The following DAB1 variants were observed in gnomAD, a reference collection of about 807,000 sequenced individuals.
The protein encoded by DAB1 is DAB adaptor protein 1.
DAB1 carries 15 observed loss-of-function variants against 64.6 expected under a neutral mutation model. That is an observed-to-expected ratio of 0.23 (90% CI 0.16 to 0.36). The LOEUF is 0.36. Among genes scored for constraint, DAB1 ranks in the 10% least tolerant of loss-of-function variants. The probability of loss-of-function intolerance (pLI) is 1.00; values close to 1 mark genes in which losing one functional copy is unlikely to be tolerated. For synonymous variants in DAB1, 235 were observed against 251.9 expected (o/e 0.93, Z 0.64); for missense variants, 596 against 706.7 (o/e 0.84, Z 1.78).
chr1:57,211,834 A>G (rs1666031811), intron 2 of DAB1, among the ~76,000 whole-genome samples: 1 of 152,230 alleles, frequency 6.6e-6, no homozygotes, highest in South Asian at 2.1e-4. Flanking sequence ...TGTACTAGGT[A>G]TTACAGGTAG....
chr1:58,248,685 G>A (rs1046519324), intron 4 of DAB1, among the ~76,000 whole-genome samples: 3 of 152,174 alleles, frequency 2.0e-5, no homozygotes, highest in Non-Finnish European at 4.4e-5. Context: ...TTTGGGCAGG[G>A]AAGTGTGTGG....
intron 2 of DAB1, among the ~76,000 whole-genome samples, chr1:57,150,033 A>G (rs1292033423): frequency 6.6e-6 from 1 of 152,176 alleles, no homozygotes. Context: ...ACTGAGAGAC[A>G]ATAGGCCTTG....
chr1:58,108,504 C>A (rs2100646878), intron 5 of DAB1, among the ~76,000 whole-genome samples: 1 of 152,220 alleles, frequency 6.6e-6, no homozygotes, highest in African/African-American at 2.4e-5. Context: ...GAAATGAAAA[C>A]AACTTGATGA....
At chr1:57,829,117 A>G (rs1203791489) in intron 1 of DAB1, among the ~76,000 whole-genome samples, 2 of 152,180 alleles carry the variant, frequency 1.3e-5, no homozygotes, top group African/African-American at 4.8e-5. Flanking sequence ...TTTGGATTAT[A>G]GCCTTAACTG....
intron 3 of DAB1, among the ~76,000 whole-genome samples, chr1:57,142,041 A>G (rs1481147951): frequency 6.6e-6 from 1 of 152,160 alleles, no homozygotes; most frequent in Non-Finnish European, 1.5e-5. Context: ...ATCTCATATG[A>G]TCAAAAGATA....
intron 5 of DAB1, among the ~76,000 whole-genome samples, chr1:58,109,252 T>C (rs1651838001): frequency 6.6e-6 from 1 of 152,194 alleles, no homozygotes; most frequent in Non-Finnish European, 1.5e-5. Flanking sequence ...ACACATGTTT[T>C]GTGAGCATAT....
chr1:57,476,936 T>C (rs1643945920), intron 7 of DAB1, among the ~76,000 whole-genome samples: 1 of 152,232 alleles, frequency 6.6e-6, no homozygotes, highest in South Asian at 2.1e-4. Context: ...ATTTACTTAA[T>C]GGGTCTGTCA....
At chr1:58,487,753 ACTC>A (rs1340791405) in intron 3 of DAB1, among the ~76,000 whole-genome samples, 3 of 152,008 alleles carry the variant, frequency 2.0e-5, no homozygotes, top group African/African-American at 7.2e-5. Context: ...TATAATTTCT[ACTC>A]CTAGCTGCAT....
At chr1:58,410,342 T>C (rs1355561847) in intron 3 of DAB1, among the ~76,000 whole-genome samples, 1 of 152,210 alleles carries the variant, frequency 6.6e-6, no homozygotes, top group Non-Finnish European at 1.5e-5. Flanking sequence ...TAAGACAGAA[T>C]TTACGATTCT....
chr1:57,792,931 A>C (rs890531487), intron 6 of DAB1, among the ~76,000 whole-genome samples: 2 of 152,200 alleles, frequency 1.3e-5, no homozygotes, highest in African/African-American at 4.8e-5. Context: ...CAATTTCATC[A>C]TTTGTAAAAT....
At chr1:57,450,318 A>G (rs960623109) in intron 7 of DAB1, among the ~76,000 whole-genome samples, 1 of 152,230 alleles carries the variant, frequency 6.6e-6, no homozygotes, top group African/African-American at 2.4e-5. Context: ...TCAAGGAATC[A>G]TGGTGAAGAG....
At chr1:57,431,222 C>T in intron 7 of DAB1, among the ~76,000 whole-genome samples, 1 of 149,610 alleles carries the variant, frequency 6.7e-6, no homozygotes, top group South Asian at 2.1e-4. Flanking sequence ...CTGAGGGTGG[C>T]TGTAGTTGAC....
intron 4 of DAB1, among the ~76,000 whole-genome samples, chr1:58,222,696 C>A (rs1054161335): frequency 6.6e-6 from 1 of 152,206 alleles, no homozygotes; most frequent in Non-Finnish European, 1.5e-5. Flanking sequence ...CTAATGCATG[C>A]CACCCAGATC....
At chr1:57,524,736 G>A (rs1644571041) in intron 7 of DAB1, among the ~76,000 whole-genome samples, 1 of 152,178 alleles carries the variant, frequency 6.6e-6, no homozygotes, top group African/African-American at 2.4e-5. Context: ...ATGGTGGAAT[G>A]TCATCAGTTA....
intron 3 of DAB1, among the ~76,000 whole-genome samples, chr1:58,396,908 A>G (rs746510142): frequency 1.2e-4 from 19 of 152,114 alleles, no homozygotes; most frequent in Non-Finnish European, 2.6e-4. Flanking sequence ...TAAACAAAAT[A>G]CAAAAAACTA....
At chr1:57,487,236 C>T (rs10493225) in intron 7 of DAB1, among the ~76,000 whole-genome samples, 25,570 of 152,186 alleles carry the variant, frequency 0.17, 2,655 homozygotes, top group Non-Finnish European at 0.24. Context: ...CTGAGTGATA[C>T]CCACTGGAGG....
chr1:58,323,079 C>T (rs193100129), intron 4 of DAB1, among the ~76,000 whole-genome samples: 161 of 131,406 alleles, frequency 1.2e-3, no homozygotes, highest in African/African-American at 4.1e-3. Flanking sequence ...ATCACACATG[C>T]GTTCCTATTG....
chr1:57,638,129 T>C (rs1346242152), intron 7 of DAB1, among the ~76,000 whole-genome samples: 3 of 152,242 alleles, frequency 2.0e-5, no homozygotes. Flanking sequence ...TGAGGGATGA[T>C]GGTTATTTTT....
At chr1:57,958,564 C>T (rs914889716) in intron 5 of DAB1, among the ~76,000 whole-genome samples, 16 of 152,174 alleles carry the variant, frequency 1.1e-4, no homozygotes, top group African/African-American at 3.9e-4. Context: ...TCTTCCAGAG[C>T]CTCATCCAGA....
Sources: allele counts gnomAD v4.1 joint callset (sites outside exome capture counted in the v4.1 genomes callset), GRCh38; gene constraint gnomAD v4.1.1; transcripts MANE v1.5; gene names NCBI Gene and HGNC (gene_info 2026-07-23, HGNC 2026-07-21).